The following RALGAPA1 variants were observed in gnomAD, a reference collection of about 807,000 sequenced individuals.
RALGAPA1 encodes ral GTPase-activating protein subunit alpha-1.
Under a neutral mutation model 269.6 loss-of-function variants are expected in RALGAPA1, and 52 were observed. The observed-to-expected ratio is 0.19, with a 90% CI of 0.15 to 0.24. The LOEUF (loss-of-function observed/expected upper bound fraction) is 0.24. RALGAPA1 is among the 10% of genes least tolerant of loss of function. The pLI, the probability that RALGAPA1 is intolerant of heterozygous loss-of-function variation, is 1.00. For missense variants in RALGAPA1, 1,917 were observed against 3,013.9 expected (o/e 0.64, Z 8.52); for synonymous variants, 817 against 1,008.3 (o/e 0.81, Z 3.60).
chr14:35,587,081 C>A (rs1206936942), intron 37 of RALGAPA1, among the ~76,000 whole-genome samples: 1 of 152,172 alleles, frequency 6.6e-6, no homozygotes, highest in Non-Finnish European at 1.5e-5. Context: ...GGCTGTGAAT[C>A]CGTCTGGTCC....
In RALGAPA1 at chr14:35,664,658, T is replaced by C. The variant is rs368596656; in HGVS notation, c.5312A>G (p.Gln1771Arg). 1.2e-6 allele frequency: 2 copies of C among 1,610,046 alleles called. No individual in the cohort carries two copies. The highest frequency in any genetic ancestry group is 1.7e-6 in the Non-Finnish European group (2 of 1,178,592). ...ATTTCTTACCTTAACATCTGTAAAC[T>C]GAGACACAGCAACATCAGGAATGTT... The part of the protein sequence containing the change: ...HPNIPDVAVS[Q>R]FTDVKELIIK... Residue 1771 changes from glutamine (Q) to arginine (R), a missense_variant, in exon 27 of 42, where the codon CAG becomes CGG. Gln to Arg is a conservative substitution (Grantham distance 43). Around this residue, in one of 11 missense-constraint regions of RALGAPA1, gnomAD observed 346 missense variants for 566.1 expected, o/e 0.61. Coordinates refer to ENST00000680220, the MANE Select transcript of RALGAPA1 (RefSeq NM_001346249.2).
intron 33 of RALGAPA1, among the ~76,000 whole-genome samples, chr14:35,632,225 T>C (rs184793521): frequency 6.6e-6 from 1 of 152,306 alleles, no homozygotes; most frequent in African/African-American, 2.4e-5. Flanking sequence ...CTTCTACTTA[T>C]CTACTAAAAT....
chr14:35,610,484 G>C (rs946252280), intron 35 of RALGAPA1, among the ~76,000 whole-genome samples: 1 of 151,968 alleles, frequency 6.6e-6, no homozygotes, highest in African/African-American at 2.4e-5. Flanking sequence ...GGGTTTCACC[G>C]TGTTAGCCAG....
chr14:35,800,183 C>T (rs1444425979), intron 1 of RALGAPA1, among the ~76,000 whole-genome samples: 1 of 152,184 alleles, frequency 6.6e-6, no homozygotes, highest in East Asian at 1.9e-4. Flanking sequence ...ATGAAAACAG[C>T]TAGACAGAAA....
chr14:35,718,246 T>G (rs1365812064), intron 16 of RALGAPA1, among the ~76,000 whole-genome samples: 1 of 152,242 alleles, frequency 6.6e-6, no homozygotes, highest in African/African-American at 2.4e-5. Context: ...CTTGCTTTGT[T>G]CACAACTATA....
At chr14:35,630,545 G>T (rs1369414983) in intron 33 of RALGAPA1, among the ~76,000 whole-genome samples, 1 of 152,120 alleles carries the variant, frequency 6.6e-6, no homozygotes, top group Non-Finnish European at 1.5e-5. Context: ...GCCTCCCAAA[G>T]TGCTGGGATT....
intron 37 of RALGAPA1, among the ~76,000 whole-genome samples, chr14:35,584,654 A>C (rs11845623): frequency 0.036 from 5,499 of 152,286 alleles, 326 homozygotes; most frequent in African/African-American, 0.12. Context: ...AAAGTTAAAA[A>C]GTTAAAAAAA....
At chr14:35,568,935 T>C (rs1358775572) in intron 39 of RALGAPA1, among the ~76,000 whole-genome samples, 1 of 152,224 alleles carries the variant, frequency 6.6e-6, no homozygotes, top group Admixed American at 6.5e-5. Context: ...ATACTTTTGT[T>C]AACAATTCAA....
chr14:35,684,013 G>A (rs112371243), intron 20 of RALGAPA1, 28 bp from the exon 21 acceptor site: 1 of 1,571,488 alleles, frequency 6.4e-7, no homozygotes, highest in African/African-American at 1.4e-5. Flanking sequence ...GTTATTATAT[G>A]AGTCCCAATT....
At position 35,539,315 on chromosome 14, in the gene RALGAPA1, C is replaced by T; in HGVS notation, c.*399G>A. ...GGTGTAGAATAAAACTCCCCCTGCC[C>T]TCAAAATATGGCAGCTTGGATTGTG... On this transcript the variant is annotated 3_prime_UTR_variant, in exon 42 of 42. Coordinates refer to ENST00000680220, the MANE Select transcript of RALGAPA1 (RefSeq NM_001346249.2). The T allele has an allele frequency of 2.4e-6, 1 of 410,462 alleles. No homozygotes were observed. Among genetic ancestry groups the T allele is most frequent in the Non-Finnish European group, 3.8e-6 (1 of 261,094 alleles). The allele number at this position is 410,462 out of a possible 1,614,324, so 25.4% of individuals were successfully genotyped here. A position where few individuals can be genotyped will look rare whatever the true frequency, so the allele number is the denominator to read the frequency against.
intron 16 of RALGAPA1, 140 bp downstream of exon 16, chr14:35,721,548 G>T: frequency 1.5e-6 from 1 of 658,614 alleles, no homozygotes; most frequent in Non-Finnish European, 2.5e-6. Flanking sequence ...AGTACTTCTG[G>T]AAAAAAGGCT....
chr14:35,688,638 G>C lies in RALGAPA1; in HGVS notation c.3773C>G (p.Ser1258Ter). ...QLGSRSTLRS[S>*]SHEAGLQQGS... ...CTGCTGTAGTCCTGCCTCATGACTT[G>C]ATGACCTAAGAGTACTACGACTACC... Residue 1258 changes from serine to a stop codon, truncating the protein, a stop_gained, in exon 18 of 42, where the codon TCA (serine) becomes TGA (stop). Transcript: ENST00000680220. LOFTEE classifies it high-confidence loss of function. The C allele has an allele frequency of 6.5e-7, 1 of 1,532,768 alleles. No homozygotes were observed. The highest frequency in any genetic ancestry group is 8.7e-7 in the Non-Finnish European group (1 of 1,145,850). The allele number at this position is 1,532,768 out of a possible 1,614,324, so 94.9% of individuals were successfully genotyped here. A position where few individuals can be genotyped will look rare whatever the true frequency, so the allele number is the denominator to read the frequency against.
At position 35,738,637 on chromosome 14, in the gene RALGAPA1, T is replaced by C. The variant is rs1301903056; in HGVS notation, c.1463A>G (p.Asn488Ser). 2 of 1,607,066 alleles carry C rather than the reference T, an allele frequency of 1.2e-6. No homozygotes were observed. Among genetic ancestry groups the C allele is most frequent in the East Asian group, 2.2e-5 (1 of 44,802 alleles). The part of the protein sequence containing the change: ...GEKREEENGT[N>S]TADHVRNSSW... ...GGAATTTCGAACATGATCAGCAGTA[T>C]TGGTCCCATTTTCCTGAAGCAAAAT... Residue 488 changes from asparagine (N) to serine (S), a missense_variant, in exon 12 of 42, where the codon AAT (asparagine) becomes AGT (serine). Around this residue, in one of 11 missense-constraint regions of RALGAPA1, gnomAD observed 462 missense variants for 725.6 expected, o/e 0.64. Transcript: ENST00000680220.
intron 6 of RALGAPA1, among the ~76,000 whole-genome samples, chr14:35,758,791 G>A (rs2073426998): frequency 6.6e-6 from 1 of 152,116 alleles, no homozygotes; most frequent in Non-Finnish European, 1.5e-5. Flanking sequence ...TCTATAATGA[G>A]AGGCAGAGAA....
At chr14:35,704,018 A>G (rs1013404472) in intron 16 of RALGAPA1, among the ~76,000 whole-genome samples, 3 of 152,276 alleles carry the variant, frequency 2.0e-5, no homozygotes, top group Middle Eastern at 3.4e-3. Context: ...AACATGAGGA[A>G]GGCAACTCCA....
At chr14:35,645,346 G>GAT (rs1555387901) in intron 31 of RALGAPA1, among the ~76,000 whole-genome samples, 3 of 129,488 alleles carry the variant, frequency 2.3e-5, no homozygotes, top group African/African-American at 9.1e-5. Flanking sequence ...TATAGAGATG[G>GAT]GTGTGTGTGT....
intron 10 of RALGAPA1, among the ~76,000 whole-genome samples, chr14:35,746,062 G>A (rs1177521128): frequency 6.6e-6 from 1 of 152,092 alleles, no homozygotes; most frequent in Non-Finnish European, 1.5e-5. Flanking sequence ...AATGGAGTGA[G>A]GCCCTGTTTC....
At chr14:35,753,366 T>C (rs2072899799) in intron 7 of RALGAPA1, among the ~76,000 whole-genome samples, 1 of 152,144 alleles carries the variant, frequency 6.6e-6, no homozygotes, top group Non-Finnish European at 1.5e-5. Context: ...TCCTACAGTA[T>C]GTAGCCAACT....
intron 16 of RALGAPA1, chr14:35,707,257 C>A (rs960800858): frequency 6.6e-6 from 1 of 152,172 alleles, no homozygotes; most frequent in African/African-American, 2.4e-5. Flanking sequence ...AAATTTTCCA[C>A]ATAAATAATC....
Sources: allele counts gnomAD v4.1 joint callset (sites outside exome capture counted in the v4.1 genomes callset), GRCh38; gene constraint gnomAD v4.1.1; regional missense constraint gnomAD v4.1.1; transcripts MANE v1.5; gene names NCBI Gene and HGNC (gene_info 2026-07-23, HGNC 2026-07-21).